ZNF229: variants seen among roughly 807,000 people sequenced by gnomAD.
ZNF229 encodes zinc finger protein 229.
Under a neutral mutation model 11.8 loss-of-function variants are expected in ZNF229, and 10 were observed. The observed-to-expected ratio is 0.85, with a 90% confidence interval of 0.52 to 1.44. ZNF229 has a LOEUF of 1.44. Among genes scored for constraint, ZNF229 ranks in the 40% most tolerant of loss-of-function variants. The probability of loss-of-function intolerance (pLI) is 0.00; values close to 1 mark genes in which losing one functional copy is unlikely to be tolerated. For synonymous variants in ZNF229, 368 were observed against 374.8 expected (o/e 0.98, Z 0.21); for missense variants, 1,045 against 1,015.1 (o/e 1.03, Z -0.40).
intron 4 of ZNF229, among the ~76,000 whole-genome samples, chr19:44,439,836 C>T (rs183899522): frequency 8.5e-5 from 13 of 152,252 alleles, no homozygotes; most frequent in African/African-American, 3.1e-4. Flanking sequence ...GGCATATTAG[C>T]GAGGACAGTT....
chr19:44,437,527 A>C (rs1392744358), intron 4 of ZNF229, among the ~76,000 whole-genome samples: 1 of 152,210 alleles, frequency 6.6e-6, no homozygotes, highest in Non-Finnish European at 1.5e-5. Flanking sequence ...TGGAAATATA[A>C]ATTAGTTTAG....
At chr19:44,432,452 T>G in intron 4 of ZNF229, 86 bp from the exon 5 acceptor site, 1 of 1,559,314 alleles carries the variant, frequency 6.4e-7, no homozygotes, top group East Asian at 2.3e-5. Flanking sequence ...ATAAAAAAAT[T>G]TAAAAATCTG....
At chr19:44,436,775 A>G (rs1971822313) in intron 4 of ZNF229, among the ~76,000 whole-genome samples, 1 of 152,174 alleles carries the variant, frequency 6.6e-6, no homozygotes, top group African/African-American at 2.4e-5. Flanking sequence ...TCTTAAAAAA[A>G]AGTTGGTATT....
At chr19:44,435,585 T>C (rs553085162) in intron 4 of ZNF229, among the ~76,000 whole-genome samples, 1 of 87,298 alleles carries the variant, frequency 1.1e-5, no homozygotes, top group African/African-American at 5.7e-5. Context: ...CCTGGACACA[T>C]AGGTACCTCC....
chr19:44,446,292 G>C (rs1157629086), intron 2 of ZNF229, among the ~76,000 whole-genome samples: 1 of 152,194 alleles, frequency 6.6e-6, no homozygotes, highest in Non-Finnish European at 1.5e-5. Context: ...ATGAAGTTAT[G>C]ATAAAATAAT....
intron 4 of ZNF229, among the ~76,000 whole-genome samples, chr19:44,440,955 G>T (rs888213571): frequency 1.3e-5 from 2 of 151,888 alleles, no homozygotes; most frequent in African/African-American, 4.8e-5. Context: ...GAACTCCTGA[G>T]CTCAAGTGAT....
At position 44,429,734 on chromosome 19, in the gene ZNF229, A is replaced by G. The variant is rs1971674677; in HGVS notation, c.1047T>C (p.Tyr349=). 2.5e-6 allele frequency: 4 copies of G among 1,614,100 alleles called. No homozygotes were observed. In the East Asian group the frequency reaches 8.9e-5, roughly 36 times the overall value. Residue 349 remains tyrosine (Y), a synonymous_variant, in exon 6 of 6, where the codon TAT becomes TAC. Coordinates refer to ENST00000614049, the MANE Select transcript of ZNF229 (RefSeq NM_014518.4). ...ACCCCTTTCCACAGACATCACATCT[A>G]TAGGGCATGTCTCCCACAGGGGCTC... is the stretch of plus-strand genomic sequence containing the variant. ...HPRAPVGDMP[Y]RCDVCGKGFR... is the part of the protein sequence containing the mutation.
At chr19:44,442,228 C>A (rs1203061811) in intron 4 of ZNF229, among the ~76,000 whole-genome samples, 2 of 152,160 alleles carry the variant, frequency 1.3e-5, no homozygotes, top group African/African-American at 4.8e-5. Flanking sequence ...ACAACCCAGG[C>A]AGCGATGATT....
At chr19:44,432,443 T>C (rs1475364258) in intron 4 of ZNF229, 77 bp from the exon 5 acceptor site, 3 of 1,562,476 alleles carry the variant, frequency 1.9e-6, no homozygotes, top group African/African-American at 1.4e-5. Flanking sequence ...TTTATAGAAA[T>C]AAAAAAATTT....
Position 44,427,257 on chromosome 19 carries a change from C to T in ZNF229, c.*1046G>A, listed in dbSNP as rs1052395242. ...TCTACAACCCCCCCCCCCGCCCCCACTGATGGGGGATTTGATGATTCTATT... is the reference window on the plus strand; with the variant it reads ...TCTACAACCCCCCCCCCCGCCCCCATTGATGGGGGATTTGATGATTCTATT... On this transcript the variant is annotated 3_prime_UTR_variant, in exon 6 of 6. Transcript: ENST00000614049. 1 of 140,326 alleles carries T rather than the reference C, an allele frequency of 7.1e-6. No homozygotes were observed. The highest frequency in any genetic ancestry group is 2.6e-5 in the African/African-American group (1 of 38,676). The allele number at this position is 140,326 out of a possible 1,614,324, so 8.7% of individuals were successfully genotyped here.
chr19:44,429,237 T>A lies in ZNF229; in HGVS notation c.1544A>T (p.His515Leu). 6.2e-7 allele frequency: 1 copy of A among 1,614,120 alleles called. No homozygotes were observed. Among genetic ancestry groups the A allele is most frequent in the Non-Finnish European group, 8.5e-7 (1 of 1,180,024 alleles). ...QAHQRVHMGQ[H>L]LYKCNVCGKS... ...ACCACACACGTTACATTTGTACAGA[T>A]GCTGCCCCATGTGAACTCTCTGGTG... Residue 515 changes from histidine (H) to leucine (L), a missense_variant, in exon 6 of 6, where the codon CAT (histidine) becomes CTT (leucine). Coordinates refer to ENST00000614049, the MANE Select transcript of ZNF229 (RefSeq NM_014518.4).
rs1269744250 is a variant in ZNF229, at chr19:44,428,201, C to T, written c.*102G>A. The T allele has an allele frequency of 3.0e-6, 4 of 1,311,588 alleles. No individual in the cohort carries two copies. Among genetic ancestry groups the T allele is most frequent in the Non-Finnish European group, 4.2e-6 (4 of 954,330 alleles). 81.2% of individuals were successfully genotyped at this position (1,311,588 alleles called of 1,614,324 possible). On this transcript the variant is annotated 3_prime_UTR_variant, in exon 6 of 6. Coordinates refer to ENST00000614049, the MANE Select transcript of ZNF229 (RefSeq NM_014518.4). ...AGAAAATGTAAAATCATCAGTTTCT[C>T]CTATAGCCCTCCTACATGTCACTTT...
Position 44,428,059 on chromosome 19 carries a change from CT to C in ZNF229, c.*243del, listed in dbSNP as rs1166669567. The C allele has an allele frequency of 4.4e-6, 2 of 457,932 alleles. No individual in the cohort carries two copies. The highest frequency in any genetic ancestry group is 1.9e-5 in the African/African-American group (1 of 51,432). 28.4% of individuals were successfully genotyped at this position (457,932 alleles called of 1,614,324 possible). On this transcript the variant is annotated 3_prime_UTR_variant, in exon 6 of 6. Transcript: ENST00000614049. ...GTGAGGATTATTACTGAAACCACTG[CT>C]GCACTGTTTCTTTAAAGCCTACTCC...
At position 44,448,460 on chromosome 19, in the gene ZNF229, A is replaced by C. The variant is rs968813384; in HGVS notation, c.-417T>G. Reference sequence around the variant, plus strand: ...CTAAGACGCCTCACCACTGCCTAAGAAGCAATCAAGGTGACGCGCCCACCG... The same window carrying C: ...CTAAGACGCCTCACCACTGCCTAAGCAGCAATCAAGGTGACGCGCCCACCG... On this transcript the variant is annotated 5_prime_UTR_variant, in exon 1 of 6. Coordinates refer to ENST00000614049, the MANE Select transcript of ZNF229 (RefSeq NM_014518.4). 7 of 152,134 alleles carry C rather than the reference A, an allele frequency of 4.6e-5. No individual in the cohort carries two copies. The highest frequency in any genetic ancestry group is 1.0e-4 in the Non-Finnish European group (7 of 68,038). The allele number at this position is 152,134 out of a possible 1,614,324, so 9.4% of individuals were successfully genotyped here. A position where few individuals can be genotyped will look rare whatever the true frequency, so the allele number is the denominator to read the frequency against.
intron 2 of ZNF229, among the ~76,000 whole-genome samples, chr19:44,447,300 T>G (rs1037268078): frequency 1.3e-5 from 2 of 152,174 alleles, no homozygotes; most frequent in African/African-American, 4.8e-5. Context: ...TGAAACAGTG[T>G]AAGCCTTTAC....
intron 5 of ZNF229, among the ~76,000 whole-genome samples, chr19:44,430,936 A>G (rs1267509534): frequency 6.6e-6 from 1 of 152,180 alleles, no homozygotes; most frequent in Non-Finnish European, 1.5e-5. Context: ...CTGAAGTAGA[A>G]ACCATTATAT....
At position 44,428,679 on chromosome 19, in the gene ZNF229, G is replaced by C. The variant is rs539304594; in HGVS notation, c.2102C>G (p.Thr701Ser). ...CTCTCCTGTGTGCAACCTCTGGTGG[G>C]TGCGAAGATTAGAGCCATAACTGAA... The part of the protein sequence containing the change: ...KGFSYGSNLR[T>S]HQRLHTGEKP... The change falls in exon 6 of 6, where the codon ACC (threonine) becomes AGC (serine). Residue 701 changes from threonine to serine, a missense_variant. Coordinates refer to ENST00000614049, the MANE Select transcript of ZNF229 (RefSeq NM_014518.4). 1 of 1,610,592 alleles carries C rather than the reference G, an allele frequency of 6.2e-7. No individual in the cohort carries two copies. Among genetic ancestry groups the C allele is most frequent in the Non-Finnish European group, 8.5e-7 (1 of 1,178,954 alleles).
chr19:44,436,361 AAAC>A (rs934958057), intron 4 of ZNF229, among the ~76,000 whole-genome samples: 3 of 150,172 alleles, frequency 2.0e-5, no homozygotes, highest in Admixed American at 6.6e-5. Context: ...ACCGTGTCTC[AAAC>A]AACAACAACT....
intron 4 of ZNF229, 59 bp downstream of exon 4, chr19:44,442,504 G>A (rs942169387): frequency 3.1e-5 from 48 of 1,567,122 alleles, no homozygotes; most frequent in Non-Finnish European, 4.0e-5. Flanking sequence ...GAGAAGGGAC[G>A]TATGTTTTCT....
Sources: allele counts gnomAD v4.1 joint callset (sites outside exome capture counted in the v4.1 genomes callset), GRCh38; gene constraint gnomAD v4.1.1; transcripts MANE v1.5; gene names NCBI Gene and HGNC (gene_info 2026-07-23, HGNC 2026-07-21).